SHISA6: variants seen among roughly 807,000 people sequenced by gnomAD.
The protein encoded by SHISA6 is shisa family member 6.
A neutral mutation model predicts 47.9 loss-of-function variants in SHISA6; 22 were observed. The observed-to-expected ratio is 0.46, with a 90% confidence interval of 0.33 to 0.66. The LOEUF (loss-of-function observed/expected upper bound fraction) is 0.66, where lower values mean the gene tolerates loss of function less well. SHISA6 is among the 30% of genes least tolerant of loss of function. SHISA6 has a pLI of 0.02. For missense variants in SHISA6, 680 were observed against 764.6 expected (o/e 0.89, Z 1.30); for synonymous variants, 388 against 337.8 (o/e 1.15, Z -1.63).
intron 3 of SHISA6, among the ~76,000 whole-genome samples, chr17:11,424,986 G>A (rs564462088): frequency 2.6e-5 from 3 of 116,872 alleles, no homozygotes; most frequent in East Asian, 2.7e-4. Flanking sequence ...CAGCCTGAGC[G>A]ACAGAGTGAT....
intron 3 of SHISA6, among the ~76,000 whole-genome samples, chr17:11,545,153 T>TAA (rs35283114): frequency 1.8e-4 from 26 of 144,404 alleles, no homozygotes; most frequent in East Asian, 8.0e-4. Flanking sequence ...GTCGATGGTT[T>TAA]AAAAAAAAAA....
chr17:11,323,529 C>G (rs768765878), intron 2 of SHISA6, among the ~76,000 whole-genome samples: 9 of 151,996 alleles, frequency 5.9e-5, no homozygotes, highest in Non-Finnish European at 1.3e-4. Context: ...TGGCGCATGC[C>G]TGTAATCCCA....
At chr17:11,383,873 A>T (rs1189996164) in intron 3 of SHISA6, among the ~76,000 whole-genome samples, 3 of 152,122 alleles carry the variant, frequency 2.0e-5, no homozygotes, top group Non-Finnish European at 4.4e-5. Flanking sequence ...CGTTAATTAG[A>T]CAAGATCACT....
intron 3 of SHISA6, among the ~76,000 whole-genome samples, chr17:11,389,232 C>T (rs189026642): frequency 1.2e-3 from 178 of 152,184 alleles, no homozygotes; most frequent in African/African-American, 4.2e-3. Context: ...TACCATTGGC[C>T]CATGTAGGTG....
intron 3 of SHISA6, among the ~76,000 whole-genome samples, chr17:11,386,711 G>A (rs528017505): frequency 6.6e-6 from 1 of 152,196 alleles, no homozygotes; most frequent in Non-Finnish European, 1.5e-5. Flanking sequence ...CAGGCGGGGC[G>A]CTGGCCTTGG....
intron 2 of SHISA6, among the ~76,000 whole-genome samples, chr17:11,342,588 T>A (rs1004073412): frequency 1.3e-5 from 2 of 152,236 alleles, no homozygotes; most frequent in African/African-American, 4.8e-5. Flanking sequence ...TTAAACCTCA[T>A]TTCCCATTAG....
chr17:11,457,911 C>G (rs1052175631), intron 3 of SHISA6, among the ~76,000 whole-genome samples: 2 of 151,848 alleles, frequency 1.3e-5, no homozygotes, highest in Non-Finnish European at 2.9e-5. Context: ...TGGTAAAACC[C>G]CGTATCTACT....
chr17:11,518,691 A>G (rs1483775396), intron 3 of SHISA6, among the ~76,000 whole-genome samples: 1 of 152,148 alleles, frequency 6.6e-6, no homozygotes, highest in Non-Finnish European at 1.5e-5. Flanking sequence ...AGATGCCCAG[A>G]CCCCATCCAA....
At position 11,355,280 on chromosome 17, in the gene SHISA6, C is replaced by T. The variant is rs1009257098; in HGVS notation, c.800-24134C>T. 2.6e-5 allele frequency among the ~76,000 whole-genome samples: 4 copies of T among 152,348 alleles called. No homozygotes were observed. The East Asian group carries it at 7.7e-4, about 29-fold the overall frequency. On this transcript the variant is annotated intron_variant, in intron 2 of 5. Transcript: ENST00000441885. ...AGAAGCTGTTCCATCAAACTGAAGT[C>T]GTATTCCGAAAACTGTCCCCTCGTG...
intron 2 of SHISA6, among the ~76,000 whole-genome samples, chr17:11,329,427 C>T (rs1035077303): frequency 1.3e-5 from 2 of 152,028 alleles, no homozygotes; most frequent in African/African-American, 2.4e-5. Flanking sequence ...GGAGACTGTC[C>T]GTGGATAAGC....
Position 11,391,078 on chromosome 17 carries a change from G to C in SHISA6, c.895+11569G>C, listed in dbSNP as rs562871718. ...CAGGAAAAGAAGAAAGTGACGGGCTGAGAATAGGGCAGGGCAGGTATTTCA... is the reference window on the plus strand; with the variant it reads ...CAGGAAAAGAAGAAAGTGACGGGCTCAGAATAGGGCAGGGCAGGTATTTCA... On this transcript the variant is annotated intron_variant, in intron 3 of 5. Coordinates refer to ENST00000441885, the MANE Select transcript of SHISA6 (RefSeq NM_207386.4). Among the ~76,000 whole-genome samples, 4 of 152,320 alleles carry C rather than the reference G, an allele frequency of 2.6e-5. No individual in the cohort carries two copies. In the South Asian group the frequency reaches 8.3e-4, roughly 32 times the overall value.
intron 2 of SHISA6, among the ~76,000 whole-genome samples, chr17:11,343,948 C>G (rs1911615934): frequency 6.6e-6 from 1 of 152,178 alleles, no homozygotes; most frequent in South Asian, 2.1e-4. Flanking sequence ...CTTGGCCTCT[C>G]AAAGTGCTGG....
rs111505605 is a variant in SHISA6 at position 11,534,303 on chromosome 17, C to T, written c.896-17593C>T. On this transcript the variant is annotated intron_variant, in intron 3 of 5. Coordinates refer to ENST00000441885, the MANE Select transcript of SHISA6 (RefSeq NM_207386.4). ...TTATACAGGCATGAGTCACTGCGCCCGGCCTATTCTAACATTTTGAAATAT... is the reference window on the plus strand; with the variant it reads ...TTATACAGGCATGAGTCACTGCGCCTGGCCTATTCTAACATTTTGAAATAT... 6.5e-3 allele frequency among the ~76,000 whole-genome samples: 994 copies of T among 152,014 alleles called. 5 individuals carry two copies. Among genetic ancestry groups the T allele is most frequent in the African/African-American group, 0.02 (830 of 41,450 alleles).
At chr17:11,320,409 C>T (rs1212648335) in intron 2 of SHISA6, among the ~76,000 whole-genome samples, 1 of 151,968 alleles carries the variant, frequency 6.6e-6, no homozygotes, top group Non-Finnish European at 1.5e-5. Context: ...CCTGTAATCC[C>T]AGCACTTTAG....
At chr17:11,275,130 G>A (rs1206819749) in intron 2 of SHISA6, among the ~76,000 whole-genome samples, 1 of 151,984 alleles carries the variant, frequency 6.6e-6, no homozygotes, top group Admixed American at 6.6e-5. Context: ...AGTGTGGAAG[G>A]CTGCTCTGAG....
chr17:11,554,257 G>C (rs1277134893), intron 4 of SHISA6, among the ~76,000 whole-genome samples: 1 of 152,160 alleles, frequency 6.6e-6, no homozygotes, highest in Admixed American at 6.5e-5. Flanking sequence ...TGCATGCCAA[G>C]GAGGCTCTTT....
chr17:11,480,321 C>T (rs915745911), intron 3 of SHISA6, among the ~76,000 whole-genome samples: 13 of 152,116 alleles, frequency 8.5e-5, no homozygotes, highest in Non-Finnish European at 1.6e-4. Flanking sequence ...TAGTTTGATA[C>T]CTGTTATTAA....
intron 3 of SHISA6, among the ~76,000 whole-genome samples, chr17:11,520,314 C>T (rs868502273): frequency 2.0e-4 from 31 of 152,298 alleles, no homozygotes; most frequent in Middle Eastern, 3.4e-3. Flanking sequence ...TTGTTTGAAT[C>T]TCAGTAGCAT....
intron 3 of SHISA6, among the ~76,000 whole-genome samples, chr17:11,529,609 C>T (rs753909117): frequency 3.3e-5 from 5 of 152,146 alleles, no homozygotes; most frequent in Non-Finnish European, 7.3e-5. Flanking sequence ...AAAGTCCCTG[C>T]TCAAAAATTG....
Sources: allele counts gnomAD v4.1 joint callset (sites outside exome capture counted in the v4.1 genomes callset), GRCh38; gene constraint gnomAD v4.1.1; transcripts MANE v1.5; gene names NCBI Gene and HGNC (gene_info 2026-07-23, HGNC 2026-07-21).